WNK3: variants seen among roughly 807,000 people sequenced by gnomAD.
WNK3 encodes the protein WNK lysine deficient protein kinase 3, also known as serine/threonine-protein kinase WNK3.
A neutral mutation model predicts 116.7 loss-of-function variants in WNK3; 18 were observed. That is an observed-to-expected ratio of 0.15 (90% CI 0.11 to 0.23). The LOEUF is 0.23. Ranked by LOEUF, WNK3 falls within the 10% of genes least tolerant of loss-of-function variation. The pLI is 1.00. For synonymous variants in WNK3, 404 were observed against 469.4 expected, an observed-to-expected ratio of 0.86 and a Z score of 1.80; for missense variants, 993 against 1,323.8, an observed-to-expected ratio of 0.75 and a Z score of 3.88.
At chrX:54,194,489 G>T (rs1160835400) in exon 24 of WNK3, 1 of 112,093 alleles carries the variant, frequency 8.9e-6, no homozygotes, top group Non-Finnish European at 1.9e-5. Context: ...GCACTGGATT[G>T]TCTAATTCAG....
chrX:54,300,185 C>T lies in WNK3; in HGVS notation c.1178+1586G>A, dbSNP rs1365924752. Reference sequence around the variant, plus strand: ...TGTTTGTTTTTAAGACAGGGTCTTACTCTGTCATCCAGGCTAGAGTACAGT... The same window carrying T: ...TGTTTGTTTTTAAGACAGGGTCTTATTCTGTCATCCAGGCTAGAGTACAGT... On this transcript the variant is annotated intron_variant, in intron 6 of 23. Coordinates refer to ENST00000354646, the Ensembl canonical transcript of WNK3. Among the ~76,000 whole-genome samples, 25 of 110,556 alleles carry T rather than the reference C, an allele frequency of 2.3e-4. 1 individual carries two copies. The highest frequency in any genetic ancestry group is 1.1e-4 in the Non-Finnish European group (6 of 52,857).
chrX:54,332,138 T>C (rs1270331883), intron 2 of WNK3, among the ~76,000 whole-genome samples: 1 of 112,300 alleles, frequency 8.9e-6, no homozygotes, highest in Non-Finnish European at 1.9e-5. Flanking sequence ...TGATGTTCTG[T>C]CCCTATTTAG....
intron 2 of WNK3, among the ~76,000 whole-genome samples, chrX:54,327,626 G>A (rs2069121207): frequency 1.8e-5 from 2 of 111,671 alleles, no homozygotes; most frequent in African/African-American, 6.5e-5. Context: ...GCCAAGGCAG[G>A]AGGATCACTT....
exon 17 of WNK3, chrX:54,249,139 G>T: frequency 8.3e-7 from 1 of 1,211,761 alleles, no homozygotes; most frequent in Non-Finnish European, 1.1e-6. Flanking sequence ...TGTCTTAGGA[G>T]AACTTGCTTC....
chrX:54,237,304 G>C, exon 20 of WNK3: 1 of 1,212,206 alleles, frequency 8.2e-7, no homozygotes, highest in Non-Finnish European at 1.1e-6. Flanking sequence ...TGCGCTGAAA[G>C]ATAAGAAGTT....
intron 1 of WNK3, among the ~76,000 whole-genome samples, chrX:54,341,257 C>T (rs2069318677): frequency 9.1e-6 from 1 of 110,286 alleles, no homozygotes; most frequent in Non-Finnish European, 1.9e-5. Flanking sequence ...ATTAGCCAGG[C>T]GTGGTAGTGG....
exon 2 of WNK3, chrX:54,333,480 A>G: frequency 8.3e-7 from 1 of 1,211,253 alleles, no homozygotes; most frequent in Non-Finnish European, 1.1e-6. Context: ...ATCTTCCGTC[A>G]TTTCAACACT....
Position 54,342,548 on chromosome X carries a change from A to G in WNK3, c.-119-8756T>C, listed in dbSNP as rs1202780824. On this transcript the variant is annotated intron_variant, in intron 1 of 23. Coordinates refer to ENST00000354646, the Ensembl canonical transcript of WNK3. ...GCCATTGCACTCCAGCCTGGGTGAC[A>G]AGAGTGAAATCTGTCTCAAAAAAAA... 1.7e-4 allele frequency among the ~76,000 whole-genome samples: 19 copies of G among 110,270 alleles called. No homozygotes were observed. In the Admixed American group the frequency reaches 1.8e-3, roughly 10 times the overall value.
At chrX:54,271,234 A>T (rs1557159249) in intron 10 of WNK3, among the ~76,000 whole-genome samples, 3 of 112,334 alleles carry the variant, frequency 2.7e-5, no homozygotes. Flanking sequence ...ACTTAGGAGG[A>T]AAAGGGAACA....
chrX:54,321,371 C>T lies in WNK3; in HGVS notation c.538-10080G>A, dbSNP rs139083170. ...AGGTACCTAACTGGCACAGGCAACA[C>T]TGGAACCCCGTACGCTGAATTCTGA... On this transcript the variant is annotated intron_variant, in intron 2 of 23. Coordinates refer to ENST00000354646, the Ensembl canonical transcript of WNK3. Among the ~76,000 whole-genome samples the T allele has an allele frequency of 5.4e-4, 60 of 111,726 alleles. No individual in the cohort carries two copies. The East Asian group carries it at 0.013, about 24-fold the overall frequency.
At chrX:54,212,291 A>G (rs1362477711) in intron 22 of WNK3, among the ~76,000 whole-genome samples, 1 of 112,252 alleles carries the variant, frequency 8.9e-6, no homozygotes, top group Non-Finnish European at 1.9e-5. Flanking sequence ...TACAAAGAAT[A>G]AACTTCAATG....
chrX:54,244,060 TGCAAGGG>T (rs2068050972), intron 17 of WNK3, among the ~76,000 whole-genome samples: 1 of 111,962 alleles, frequency 8.9e-6, no homozygotes, highest in Non-Finnish European at 1.9e-5. Flanking sequence ...GATTTGTGGT[TGCAAGGG>T]GCAAGGGGGA....
intron 11 of WNK3, 71 bp from the exon 12 acceptor site, chrX:54,255,958 T>C (rs922922844): frequency 2.8e-5 from 25 of 882,227 alleles, no homozygotes; most frequent in Admixed American, 1.6e-4. Context: ...CTCCCAATTA[T>C]AAAACTATAA....
chrX:54,334,290 GTTGTGCAATCATCAC>G (rs1557174982), intron 1 of WNK3, among the ~76,000 whole-genome samples: 1 of 111,686 alleles, frequency 9.0e-6, no homozygotes, highest in Non-Finnish European at 1.9e-5. Flanking sequence ...CATTCACAGT[GTTGTGCAATCATCAC>G]TACTATCCAT....
chrX:54,237,152 C>T, exon 20 of WNK3: 1 of 1,211,971 alleles, frequency 8.3e-7, no homozygotes, highest in Non-Finnish European at 1.1e-6. Flanking sequence ...AATTCACTAT[C>T]AGAGCTAGGC....
intron 17 of WNK3, among the ~76,000 whole-genome samples, chrX:54,240,535 TAAA>T (rs1290911802): frequency 9.0e-6 from 1 of 111,642 alleles, no homozygotes; most frequent in African/African-American, 3.3e-5. Context: ...GATGGCAAAT[TAAA>T]TATTTGTTCT....
intron 22 of WNK3, among the ~76,000 whole-genome samples, chrX:54,213,619 T>A (rs1447575853): frequency 1.1e-5 from 1 of 93,618 alleles, no homozygotes; most frequent in Non-Finnish European, 2.1e-5. Context: ...CCACAAGGCA[T>A]GTAGAAGGCA....
chrX:54,235,225 C>T (rs2067948679), intron 20 of WNK3, among the ~76,000 whole-genome samples: 1 of 112,413 alleles, frequency 8.9e-6, no homozygotes, highest in African/African-American at 3.2e-5. Flanking sequence ...TCTTGAAGCA[C>T]TTGAACGTAG....
rs1228009876 is a variant in WNK3, at chrX:54,232,095, ATG to A, written c.4840+712_4840+713del. 5.7e-3 allele frequency among the ~76,000 whole-genome samples: 553 copies of A among 96,573 alleles called. 3 individuals carry two copies. Among genetic ancestry groups the A allele is most frequent in the African/African-American group, 0.018 (436 of 24,010 alleles). The allele number at this position is 96,573 out of a possible 115,157, so 83.9% of individuals were successfully genotyped here. ...TGAGTGTGTGTGTGTGTCTGTGTAT[ATG>A]TGTGTGTGTGTGTGTGTATATATAT... On this transcript the variant is annotated intron_variant, in intron 21 of 23. Transcript: ENST00000354646.
Sources: allele counts gnomAD v4.1 joint callset (sites outside exome capture counted in the v4.1 genomes callset), GRCh38; gene constraint gnomAD v4.1.1; transcripts MANE v1.5; gene names NCBI Gene and HGNC (gene_info 2026-07-23, HGNC 2026-07-21).